Variants in USP4 observed in about 807,000 individuals in gnomAD.
USP4 encodes the protein ubiquitin carboxyl-terminal hydrolase 4.
Under a neutral mutation model 118.2 loss-of-function variants are expected in USP4, and 72 were observed. The observed-to-expected ratio is 0.61, with a 90% CI of 0.50 to 0.74. The LOEUF is 0.74. Among genes scored for constraint, USP4 ranks in the 30% least tolerant of loss-of-function variants. USP4 has a pLI of 0.00. For synonymous variants in USP4, 415 were observed against 440.4 expected (o/e 0.94, Z 0.72); for missense variants, 1,037 against 1,185.7 (o/e 0.87, Z 1.84).
intron 19 of USP4, among the ~76,000 whole-genome samples, chr3:49,283,536 GC>G (rs1310411426): frequency 1.3e-5 from 2 of 152,110 alleles, no homozygotes; most frequent in Admixed American, 6.6e-5. Context: ...TGAGTAGACA[GC>G]CAGTCCCAAT....
In USP4 at chr3:49,294,423, C is replaced by A. The variant is rs1337308286; in HGVS notation, c.1867G>T (p.Val623Phe). The A allele has an allele frequency of 6.2e-7, 1 of 1,612,852 alleles. No individual in the cohort carries two copies. Among genetic ancestry groups the A allele is most frequent in the African/African-American group, 1.3e-5 (1 of 74,886 alleles). The change falls in exon 14 of 22, where the codon GTT (valine) becomes TTT (phenylalanine). Residue 623 changes from valine (V) to phenylalanine (F), a missense_variant. Physicochemically the swap from Val to Phe is conservative, Grantham distance 50 (BLOSUM62 -1). Coordinates refer to ENST00000265560, the MANE Select transcript of USP4 (RefSeq NM_003363.4). ...GCCACCAACCTGATACGATCACAAA[C>A]AGCCTGGTACAAAGACTCAAGGGTT... ...KLTLESLYQA[V>F]CDRISRYVKQ...
At chr3:49,303,450 A>G (rs2047280807) in intron 9 of USP4, among the ~76,000 whole-genome samples, 1 of 151,188 alleles carries the variant, frequency 6.6e-6, no homozygotes, top group Admixed American at 6.6e-5. Flanking sequence ...AAAAAAAAAA[A>G]AAAAAAAAAA....
chr3:49,294,744 A>T (rs2047185696), intron 13 of USP4, 146 bp from the exon 14 acceptor site: 2 of 746,510 alleles, frequency 2.7e-6, no homozygotes, highest in Non-Finnish European at 4.3e-6. Context: ...TATTGCCAAG[A>T]CGTTTCTAGA....
At chr3:49,316,731 G>T in intron 6 of USP4, 1 of 333,986 alleles carries the variant, frequency 3.0e-6, no homozygotes, top group South Asian at 4.9e-5. Context: ...TGGGATGAAG[G>T]AGAACCCCTG....
At chr3:49,332,718 A>C (rs964866107) in intron 2 of USP4, among the ~76,000 whole-genome samples, 2 of 151,896 alleles carry the variant, frequency 1.3e-5, no homozygotes, top group Non-Finnish European at 2.9e-5. Context: ...ATAATAAATA[A>C]AAATAAAATA....
At chr3:49,317,170 G>C in intron 6 of USP4, 1 of 1,459,608 alleles carries the variant, frequency 6.9e-7, no homozygotes. Context: ...ACTGAGCAAA[G>C]TCTGGGAGCT....
At chr3:49,311,178 G>A (rs974205346) in intron 7 of USP4, among the ~76,000 whole-genome samples, 4 of 30,562 alleles carry the variant, frequency 1.3e-4, no homozygotes, top group East Asian at 0.1. Flanking sequence ...AAGGATCACG[G>A]CCATCCACAG....
intron 13 of USP4, among the ~76,000 whole-genome samples, chr3:49,297,181 C>T (rs2047218672): frequency 6.6e-6 from 1 of 152,184 alleles, no homozygotes; most frequent in African/African-American, 2.4e-5. Context: ...TACGGCTGTG[C>T]TCCATACTTC....
chr3:49,303,088 C>A (rs543506478), intron 9 of USP4, among the ~76,000 whole-genome samples: 1 of 152,100 alleles, frequency 6.6e-6, no homozygotes, highest in Non-Finnish European at 1.5e-5. Flanking sequence ...ATCAGAAACT[C>A]TGGGGATGGG....
rs749895841 is a variant in USP4 at position 49,339,994 on chromosome 3, G to T, written c.31C>A (p.Pro11Thr). The T allele has an allele frequency of 1.1e-5, 17 of 1,610,948 alleles. No homozygotes were observed. The highest frequency in any genetic ancestry group is 2.2e-5 in the South Asian group (2 of 91,088). MAEGGGCRER[P>T]DAETQKSELG... ...TCGGACTTCTGAGTCTCCGCATCCG[G>T]TCGCTCACGGCAGCCTCCACCTTCC... is the stretch of plus-strand genomic sequence containing the variant. The change falls in exon 1 of 22, where the codon CCG becomes ACG. Residue 11 changes from proline (P) to threonine (T), a missense_variant. By Grantham distance (38) the Pro-to-Thr change is conservative (BLOSUM62 -1). Transcript: ENST00000265560.
intron 13 of USP4, among the ~76,000 whole-genome samples, chr3:49,296,925 G>C (rs2047216193): frequency 6.6e-6 from 1 of 152,186 alleles, no homozygotes; most frequent in Non-Finnish European, 1.5e-5. Flanking sequence ...CCATGTTCTA[G>C]CCCTTGGCAC....
chr3:49,311,708 T>A (rs1456618557), intron 6 of USP4, 54 bp from the exon 7 acceptor site: 1 of 1,602,018 alleles, frequency 6.2e-7, no homozygotes, highest in East Asian at 2.2e-5. Context: ...GAGCAAGCCC[T>A]ATTTAATGCC....
At chr3:49,286,465 A>C in intron 15 of USP4, 140 bp from the exon 16 acceptor site, 2 of 841,882 alleles carry the variant, frequency 2.4e-6, no homozygotes, top group Non-Finnish European at 3.6e-6. Flanking sequence ...TTTGCATTTA[A>C]CTTGAATTCA....
intron 9 of USP4, among the ~76,000 whole-genome samples, chr3:49,303,657 T>A (rs1376071569): frequency 6.6e-6 from 1 of 152,100 alleles, no homozygotes; most frequent in Non-Finnish European, 1.5e-5. Flanking sequence ...AACACATCCA[T>A]CACTGAGGAA....
chr3:49,337,051 G>A lies in USP4; in HGVS notation c.102-1455C>T, dbSNP rs564255119. The stretch of plus-strand genomic sequence containing the variant: ...TGTAATCCCAGCACTTTGAGAGGCC[G>A]AGGTGGATGGTCACTTGAGCTCAGG... On this transcript the variant is annotated intron_variant, in intron 1 of 21. Transcript: ENST00000265560. 5.3e-5 allele frequency among the ~76,000 whole-genome samples: 8 copies of A among 152,124 alleles called. No homozygotes were observed. The East Asian group carries it at 9.7e-4, about 19-fold the overall frequency.
At position 49,278,113 on chromosome 3, in the gene USP4, G is replaced by C. The variant is rs2046981157; in HGVS notation, c.*180C>G. ...AAAAATAAAAATAATTCAGCCTCTT[G>C]ACATAGCTTCTTCTAGGTAAACGGT... On this transcript the variant is annotated 3_prime_UTR_variant, in exon 22 of 22. Transcript: ENST00000265560. 2 of 681,872 alleles carry C rather than the reference G, an allele frequency of 2.9e-6. No individual in the cohort carries two copies. Among genetic ancestry groups the C allele is most frequent in the East Asian group, 3.1e-5 (1 of 32,764 alleles). 42.2% of individuals were successfully genotyped at this position (681,872 alleles called of 1,614,324 possible). A position where few individuals can be genotyped will look rare whatever the true frequency, so the allele number is the denominator to read the frequency against.
intron 6 of USP4, chr3:49,317,199 G>A (rs774792172): frequency 6.0e-6 from 9 of 1,492,960 alleles, no homozygotes; most frequent in Admixed American, 1.7e-5. Context: ...TCTTGAGGTA[G>A]GTGGCCTCCG....
At chr3:49,281,491 T>TACACACACACAC (rs71077782) in intron 19 of USP4, among the ~76,000 whole-genome samples, 507 of 126,510 alleles carry the variant, frequency 4.0e-3, no homozygotes, top group Non-Finnish European at 5.0e-3. Context: ...TATATATATA[T>TACACACACACAC]ACACACACAC....
chr3:49,312,049 C>T (rs116608907), intron 6 of USP4: 9,103 of 267,918 alleles, frequency 0.034, 202 homozygotes, highest in Non-Finnish European at 0.042. Context: ...CCAGGTCGCG[C>T]GTGGTGGCTC....
Sources: gnomAD v4.1 joint callset for allele counts (sites outside exome capture counted in the v4.1 genomes callset) on GRCh38, gnomAD v4.1.1 for gene constraint, MANE v1.5 for transcripts, NCBI Gene and HGNC (gene_info 2026-07-23, HGNC 2026-07-21) for gene names.